Variants in SLC35F1 observed in about 807,000 individuals in gnomAD.
SLC35F1 encodes solute carrier family 35 member F1.
In SLC35F1, 14 loss-of-function variants were observed where a neutral mutation model predicts 48.7. The ratio of observed to expected loss-of-function variants is 0.29; its 90% confidence interval spans 0.19 to 0.45. SLC35F1 has a LOEUF of 0.45. Ranked by LOEUF, SLC35F1 falls within the 20% of genes least tolerant of loss-of-function variation. The pLI, the probability that SLC35F1 is intolerant of heterozygous loss-of-function variation, is 1.00. For synonymous variants in SLC35F1, 190 were observed against 202.2 expected (o/e 0.94, Z 0.51); for missense variants, 404 against 500.0 (o/e 0.81, Z 1.83).
intron 1 of SLC35F1, among the ~76,000 whole-genome samples, chr6:117,963,172 T>C (rs1250029806): frequency 1.3e-5 from 2 of 152,128 alleles, no homozygotes; most frequent in Admixed American, 1.3e-4. Context: ...AACAGTAGGC[T>C]CATTAAGTGG....
chr6:118,230,707 G>T lies in SLC35F1; in HGVS notation c.350-4802G>T, dbSNP rs142260066. 4.9e-4 allele frequency among the ~76,000 whole-genome samples: 74 copies of T among 152,310 alleles called. 1 individual carries two copies. The East Asian group carries it at 0.014, about 28-fold the overall frequency. On this transcript the variant is annotated intron_variant, in intron 2 of 7. Transcript: ENST00000360388. The stretch of plus-strand genomic sequence containing the variant: ...TAACAAAATCAAGATGATAAGGCTG[G>T]CGTGGTGGCTCATGCCTGTAAATCC...
rs183433301 is a variant in SLC35F1 at position 117,961,566 on chromosome 6, C to T, written c.173+53667C>T. Among the ~76,000 whole-genome samples the T allele has an allele frequency of 7.9e-3, 1,204 of 152,306 alleles. 9 individuals are homozygous for T. Among genetic ancestry groups the T allele is most frequent in the Non-Finnish European group, 0.014 (934 of 68,030 alleles). ...GTCTTCCTATTCCTCCACTCCTCCT[C>T]TTAGTTGCCTTTTGTGCTCAGTTAA... On this transcript the variant is annotated intron_variant, in intron 1 of 7. Transcript: ENST00000360388.
At chr6:118,210,406 C>CA (rs1256484595) in intron 2 of SLC35F1, among the ~76,000 whole-genome samples, 1 of 151,672 alleles carries the variant, frequency 6.6e-6, no homozygotes, top group South Asian at 2.1e-4. Context: ...GGTCAAGGGA[C>CA]AAAAAAATCT....
chr6:117,928,332 A>G (rs1016083), intron 1 of SLC35F1, among the ~76,000 whole-genome samples: 5,616 of 152,234 alleles, frequency 0.037, 140 homozygotes, highest in Middle Eastern at 0.065. Flanking sequence ...TGTTGCTTTT[A>G]GCTTCCGCAG....
intron 1 of SLC35F1, among the ~76,000 whole-genome samples, chr6:117,978,851 A>T (rs1017927748): frequency 6.6e-6 from 1 of 152,170 alleles, no homozygotes; most frequent in Non-Finnish European, 1.5e-5. Flanking sequence ...ATTATTCTTC[A>T]TGTGTCTGAA....
intron 2 of SLC35F1, among the ~76,000 whole-genome samples, chr6:118,171,125 C>T (rs1774397936): frequency 6.6e-6 from 1 of 152,078 alleles, no homozygotes; most frequent in Non-Finnish European, 1.5e-5. Flanking sequence ...CACCCTTGAC[C>T]TCCTGAGCTC....
At position 118,182,889 on chromosome 6, in the gene SLC35F1, T is replaced by A. The variant is rs541919538; in HGVS notation, c.349+28269T>A. 3.3e-5 allele frequency among the ~76,000 whole-genome samples: 5 copies of A among 152,282 alleles called. No homozygotes were observed. In the East Asian group the frequency reaches 9.6e-4, roughly 29 times the overall value. ...AAAGACTATAATGTAAAATAACACC[T>A]TGATGGTATGTTTTCAAAACCAAAT... On this transcript the variant is annotated intron_variant, in intron 2 of 7. Transcript: ENST00000360388.
chr6:118,242,239 C>A (rs1243441064), intron 3 of SLC35F1, among the ~76,000 whole-genome samples: 3 of 152,140 alleles, frequency 2.0e-5, no homozygotes, highest in African/African-American at 7.2e-5. Flanking sequence ...TTTGGTGTTA[C>A]CATTAATTTT....
chr6:118,087,535 A>C (rs1346804770), intron 1 of SLC35F1, among the ~76,000 whole-genome samples: 1 of 152,056 alleles, frequency 6.6e-6, no homozygotes, highest in Non-Finnish European at 1.5e-5. Context: ...TACCTTTTAG[A>C]GAAGAATTAT....
intron 1 of SLC35F1, among the ~76,000 whole-genome samples, chr6:118,132,345 T>A (rs1308321608): frequency 6.6e-6 from 1 of 152,192 alleles, no homozygotes; most frequent in East Asian, 1.9e-4. Flanking sequence ...AGGTGGTATG[T>A]GTATTTGTGG....
intron 7 of SLC35F1, among the ~76,000 whole-genome samples, chr6:118,306,475 G>T (rs1253072406): frequency 1.3e-5 from 2 of 152,252 alleles, no homozygotes; most frequent in Admixed American, 6.5e-5. Context: ...AATTGCTGTA[G>T]CCCAGCATGT....
At chr6:118,071,114 T>C (rs1473745852) in intron 1 of SLC35F1, among the ~76,000 whole-genome samples, 1 of 52,874 alleles carries the variant, frequency 1.9e-5, no homozygotes, top group Non-Finnish European at 4.5e-5. Flanking sequence ...TATGTATATA[T>C]ATACATATAT....
At chr6:117,957,162 TG>T (rs1776438078) in intron 1 of SLC35F1, among the ~76,000 whole-genome samples, 1 of 152,340 alleles carries the variant, frequency 6.6e-6, no homozygotes, top group South Asian at 2.1e-4. Flanking sequence ...GACATATTTC[TG>T]GGTAAAACAA....
intron 1 of SLC35F1, among the ~76,000 whole-genome samples, chr6:117,981,480 T>C (rs1776780402): frequency 6.6e-6 from 1 of 151,954 alleles, no homozygotes; most frequent in African/African-American, 2.4e-5. Context: ...GTTGTCACAG[T>C]GCATGAGGGA....
At chr6:118,001,615 T>C (rs1325961751) in intron 1 of SLC35F1, among the ~76,000 whole-genome samples, 1 of 151,712 alleles carries the variant, frequency 6.6e-6, no homozygotes, top group Non-Finnish European at 1.5e-5. Flanking sequence ...CTAATTAAAC[T>C]AAAGAGCTTC....
chr6:118,206,444 C>A (rs955909874), intron 2 of SLC35F1, among the ~76,000 whole-genome samples: 3 of 152,194 alleles, frequency 2.0e-5, no homozygotes, highest in Non-Finnish European at 4.4e-5. Context: ...ATAATCTCAG[C>A]ACTGTGGGTT....
At chr6:118,204,608 A>G (rs1774911388) in intron 2 of SLC35F1, among the ~76,000 whole-genome samples, 1 of 152,194 alleles carries the variant, frequency 6.6e-6, no homozygotes, top group Non-Finnish European at 1.5e-5. Context: ...AGGTATCATG[A>G]AGCTATTGAC....
Position 118,235,598 on chromosome 6 carries a change from G to A in SLC35F1, c.439G>A (p.Val147Ile). Residue 147 changes from valine (V) to isoleucine (I), a missense_variant, in exon 3 of 8, where the codon GTC becomes ATC. This residue lies in a region of SLC35F1 where 306 missense variants were observed against 419.1 expected (regional missense o/e 0.73). Transcript: ENST00000360388. ...LIDLEANYLV[V>I]KAYQYTTLTS... ...AGACCTGGAAGCAAATTATCTGGTG[G>A]TCAAGGCTTACCAATACACAACTCT... The A allele has an allele frequency of 6.2e-7, 1 of 1,613,490 alleles. No individual in the cohort carries two copies. Among genetic ancestry groups the A allele is most frequent in the Non-Finnish European group, 8.5e-7 (1 of 1,179,650 alleles).
At chr6:118,032,947 T>C (rs1392415174) in intron 1 of SLC35F1, among the ~76,000 whole-genome samples, 1 of 152,200 alleles carries the variant, frequency 6.6e-6, no homozygotes. Flanking sequence ...AATTTGTGCA[T>C]TTCTCTTGGG....
Sources: gnomAD v4.1 joint callset for allele counts (sites outside exome capture counted in the v4.1 genomes callset) on GRCh38, gnomAD v4.1.1 for gene constraint, gnomAD v4.1.1 regional missense constraint, MANE v1.5 for transcripts, NCBI Gene and HGNC (gene_info 2026-07-23, HGNC 2026-07-21) for gene names.